NRP1: variants seen among roughly 807,000 people sequenced by gnomAD.
The protein encoded by NRP1 is neuropilin 1, also known as neuropilin-1.
NRP1 carries 35 observed loss-of-function variants against 106.7 expected under a neutral mutation model. The observed-to-expected ratio is 0.33, with a 90% CI of 0.25 to 0.43. The LOEUF is 0.43. NRP1 is among the 20% of genes least tolerant of loss of function. The pLI is 1.00. For synonymous variants in NRP1, 437 were observed against 417.9 expected, an observed-to-expected ratio of 1.05 and a Z score of -0.56; for missense variants, 1,024 against 1,170.4, an observed-to-expected ratio of 0.87 and a Z score of 1.83.
At chr10:33,277,527 C>T (rs576746332) in intron 2 of NRP1, among the ~76,000 whole-genome samples, 82 of 152,372 alleles carry the variant, frequency 5.4e-4, no homozygotes, top group African/African-American at 1.9e-3. Context: ...AGTGGCAATG[C>T]CCAGCTTCCG....
At chr10:33,294,321 C>T (rs969326081) in intron 2 of NRP1, among the ~76,000 whole-genome samples, 1 of 152,080 alleles carries the variant, frequency 6.6e-6, no homozygotes, top group Admixed American at 6.6e-5. Flanking sequence ...AATGCTTTAT[C>T]AAAATCTATG....
chr10:33,256,802 A>T (rs962162197), intron 4 of NRP1, among the ~76,000 whole-genome samples: 6 of 152,340 alleles, frequency 3.9e-5, no homozygotes, highest in African/African-American at 1.4e-4. Flanking sequence ...CTGGCAGGGC[A>T]AATCTGTATA....
At chr10:33,192,140 A>G (rs1178862147) in intron 13 of NRP1, 141 bp downstream of exon 13, 1 of 848,772 alleles carries the variant, frequency 1.2e-6, no homozygotes, top group Non-Finnish European at 1.8e-6. Flanking sequence ...TGTTAATTCT[A>G]GAAAATAATA....
intron 11 of NRP1, chr10:33,201,932 C>T (rs556434048): frequency 2.0e-5 from 3 of 152,044 alleles, no homozygotes; most frequent in East Asian, 3.9e-4. Flanking sequence ...AGATTTTGTA[C>T]GAATGCATTA....
chr10:33,240,046 C>CT (rs1316818760), intron 6 of NRP1, among the ~76,000 whole-genome samples: 1 of 152,170 alleles, frequency 6.6e-6, no homozygotes, highest in Non-Finnish European at 1.5e-5. Flanking sequence ...TGAATATAGA[C>CT]TTCAGGCCTT....
chr10:33,275,238 C>T (rs750147059), intron 2 of NRP1, among the ~76,000 whole-genome samples: 13 of 152,070 alleles, frequency 8.5e-5, no homozygotes, highest in South Asian at 4.1e-4. Flanking sequence ...CTGTTCTAAG[C>T]GAACAACCCA....
intron 2 of NRP1, among the ~76,000 whole-genome samples, chr10:33,321,986 G>C (rs991311238): frequency 6.6e-6 from 1 of 152,152 alleles, no homozygotes; most frequent in Non-Finnish European, 1.5e-5. Context: ...ATTTCTCCTA[G>C]GAACCCAGTG....
intron 2 of NRP1, among the ~76,000 whole-genome samples, chr10:33,313,845 A>G (rs1846796492): frequency 6.6e-6 from 1 of 152,228 alleles, no homozygotes; most frequent in South Asian, 2.1e-4. Flanking sequence ...GGCACAATCA[A>G]GAGAAGCTTC....
At chr10:33,209,490 T>G (rs867212820) in intron 9 of NRP1, among the ~76,000 whole-genome samples, 3 of 152,122 alleles carry the variant, frequency 2.0e-5, no homozygotes, top group African/African-American at 7.2e-5. Context: ...TTATTTATTT[T>G]TTTAGAGATG....
chr10:33,275,917 A>AAAAAC (rs768216409), intron 2 of NRP1, among the ~76,000 whole-genome samples: 6 of 152,140 alleles, frequency 3.9e-5, no homozygotes, highest in Non-Finnish European at 7.4e-5. Flanking sequence ...CTCTAAAATT[A>AAAAAC]AAAACAAAAC....
At chr10:33,309,386 TC>T (rs1469803957) in intron 2 of NRP1, among the ~76,000 whole-genome samples, 2 of 152,222 alleles carry the variant, frequency 1.3e-5, no homozygotes, top group African/African-American at 4.8e-5. Flanking sequence ...TCATCTTGCT[TC>T]GAATGTCTTA....
chr10:33,333,018 G>T (rs1359832237), intron 1 of NRP1, among the ~76,000 whole-genome samples: 1 of 152,056 alleles, frequency 6.6e-6, no homozygotes, highest in Non-Finnish European at 1.5e-5. Flanking sequence ...TGGAGGACAG[G>T]GTTACTATAA....
At chr10:33,233,217 G>C (rs1840294247) in intron 6 of NRP1, among the ~76,000 whole-genome samples, 1 of 152,096 alleles carries the variant, frequency 6.6e-6, no homozygotes, top group African/African-American at 2.4e-5. Flanking sequence ...ACTTCTAGGG[G>C]TGAAGGGGCG....
chr10:33,295,229 A>G (rs937801610), intron 2 of NRP1, among the ~76,000 whole-genome samples: 2 of 152,180 alleles, frequency 1.3e-5, no homozygotes, highest in South Asian at 2.1e-4. Context: ...GTTGTTCAAA[A>G]ATAAAACAGT....
intron 8 of NRP1, among the ~76,000 whole-genome samples, chr10:33,215,578 T>C (rs2300951): frequency 0.31 from 46,537 of 152,102 alleles, 7,380 homozygotes; most frequent in East Asian, 0.62. Flanking sequence ...CAAGAACATG[T>C]GCAAGAATGA....
chr10:33,192,378 GC>G lies in NRP1; in HGVS notation c.1964del (p.Gly655AlafsTer22). The G allele has an allele frequency of 6.2e-7, 1 of 1,613,918 alleles. No individual in the cohort carries two copies. Among genetic ancestry groups the G allele is most frequent in the Non-Finnish European group, 8.5e-7 (1 of 1,179,920 alleles). ...CCCAGTGGCAGAAGGTCTTGTGAGA[GC>G]CCCAGCCAAATTCACAGTTAAAACC... ...TYGFNCEFGW[G>X]SHKTFCHWEH... On this transcript the variant is annotated frameshift_variant, in exon 13 of 17. Coordinates refer to ENST00000374867, the MANE Select transcript of NRP1 (RefSeq NM_003873.7). LOFTEE classifies it high-confidence loss of function.
At chr10:33,181,158 C>T (rs1020464617) in intron 16 of NRP1, among the ~76,000 whole-genome samples, 2 of 152,160 alleles carry the variant, frequency 1.3e-5, no homozygotes, top group Non-Finnish European at 2.9e-5. Flanking sequence ...AGCCTAATTA[C>T]CTGGTACTAG....
At chr10:33,257,215 C>T (rs1317601435) in intron 4 of NRP1, among the ~76,000 whole-genome samples, 1 of 152,180 alleles carries the variant, frequency 6.6e-6, no homozygotes, top group Non-Finnish European at 1.5e-5. Context: ...TCTCCTAAAT[C>T]TGAGAGGTGA....
intron 6 of NRP1, among the ~76,000 whole-genome samples, chr10:33,228,575 T>C (rs1839862328): frequency 6.6e-6 from 1 of 152,170 alleles, no homozygotes. Context: ...TGGAGGCATA[T>C]TGTCTTTCAT....
Sources: allele counts gnomAD v4.1 joint callset (sites outside exome capture counted in the v4.1 genomes callset), GRCh38; gene constraint gnomAD v4.1.1; transcripts MANE v1.5; gene names NCBI Gene and HGNC (gene_info 2026-07-23, HGNC 2026-07-21).